Variants in CYP27B1 observed in about 807,000 individuals in gnomAD.
The protein encoded by CYP27B1 is cytochrome P450 family 27 subfamily B member 1.
In CYP27B1, 46 loss-of-function variants were observed where a neutral mutation model predicts 54.8. The observed-to-expected ratio is 0.84, with a 90% CI of 0.66 to 1.07. The LOEUF (loss-of-function observed/expected upper bound fraction) is 1.07, where lower values mean the gene tolerates loss of function less well. Among genes scored for constraint, CYP27B1 ranks in the 50% least tolerant of loss-of-function variants. CYP27B1 has a pLI of 0.00. For missense variants in CYP27B1, 674 were observed against 692.2 expected (o/e 0.97, Z 0.30); for synonymous variants, 292 against 297.3 (o/e 0.98, Z 0.18).
chr12:57,763,553 A>G (rs1236428660), intron 8 of CYP27B1, 58 bp downstream of exon 8: 2 of 1,473,386 alleles, frequency 1.4e-6, no homozygotes, highest in African/African-American at 2.8e-5. Context: ...AGAGCTCACA[A>G]CTTTAGAGGG....
chr12:57,766,174 C>T lies in CYP27B1; in HGVS notation c.219G>A (p.Gly73=). Residue 73 remains glycine, a synonymous_variant, in exon 2 of 9, where the codon GGG becomes GGA. Coordinates refer to ENST00000228606, the MANE Select transcript of CYP27B1 (RefSeq NM_000785.4). ...TCCCAAAGCTGGCTAGCCACACCGG[C>T]CCGAAGTGCGCGGCGCCCTGCACCT... ...ELQVQGAAHF[G]PVWLASFGTV... 7 of 1,544,026 alleles carry T rather than the reference C, an allele frequency of 4.5e-6. No homozygotes were observed. Among genetic ancestry groups the T allele is most frequent in the South Asian group, 1.2e-5 (1 of 84,106 alleles).
Position 57,766,207 on chromosome 12 carries a change from C to G in CYP27B1, c.196-10G>C, listed in dbSNP as rs751574733. ...GCGCGGCGCCCTGCACCTGGGGGAG[C>G]GGACACAGCGGACACTTGGATACCT... On this transcript the variant is annotated splice_polypyrimidine_tract_variant and intron_variant, in intron 1 of 8. Transcript: ENST00000228606. The G allele has an allele frequency of 2.6e-6, 4 of 1,524,220 alleles. No individual in the cohort carries two copies. The East Asian group carries it at 7.5e-5, about 29-fold the overall frequency. 94.4% of individuals were successfully genotyped at this position (1,524,220 alleles called of 1,614,324 possible).
Position 57,766,068 on chromosome 12 carries a change from T to A in CYP27B1, c.325A>T (p.Ser109Cys). 1 of 1,557,708 alleles carries A rather than the reference T, an allele frequency of 6.4e-7. No individual in the cohort carries two copies. ...CGGTGCTCCGTCCAGGGCGAGAAGCTGCAGCGCTCGGGCCGGGGTCCCTCC... is the reference window on the plus strand; with the variant it reads ...CGGTGCTCCGTCCAGGGCGAGAAGCAGCAGCGCTCGGGCCGGGGTCCCTCC... ...RQEGPRPERC[S>C]FSPWTEHRRC... Residue 109 changes from serine (S) to cysteine (C), a missense_variant, in exon 2 of 9, where the codon AGC (serine) becomes TGC (cysteine). Physicochemically the swap from Ser to Cys is moderately radical, Grantham distance 112 (BLOSUM62 -1). Coordinates refer to ENST00000228606, the MANE Select transcript of CYP27B1 (RefSeq NM_000785.4).
rs767085633 is a variant in CYP27B1, at chr12:57,764,561, T to C, written c.964-11A>G. On this transcript the variant is annotated splice_polypyrimidine_tract_variant and intron_variant, in intron 5 of 8. Transcript: ENST00000228606. The stretch of plus-strand genomic sequence containing the variant: ...GAGCGTGTTGGACACCTGAAAAACA[T>C]GTGAAAGCAAGAGAGGTGTTGGGTG... The C allele has an allele frequency of 7.4e-6, 12 of 1,613,660 alleles. No homozygotes were observed. In the South Asian group the frequency reaches 1.2e-4, roughly 16 times the overall value.
chr12:57,765,591 C>T lies in CYP27B1; in HGVS notation c.387-92G>A, dbSNP rs1328795169. 4 of 1,344,614 alleles carry T rather than the reference C, an allele frequency of 3.0e-6. No individual in the cohort carries two copies. The African/African-American group carries it at 5.8e-5, about 19-fold the overall frequency. The allele number at this position is 1,344,614 out of a possible 1,614,324, so 83.3% of individuals were successfully genotyped here. On this transcript the variant is annotated intron_variant, in intron 2 of 8. Coordinates refer to ENST00000228606, the MANE Select transcript of CYP27B1 (RefSeq NM_000785.4). The surrounding 1 kb of genome is among the most constrained non-coding windows in gnomAD (Gnocchi z 5.8). ...AAGGAGCGCGTTCGGCTGCGGTGGC[C>T]AGGAGAGGGATTGCGTCTGCCCCCT...
chr12:57,765,134 G>A lies in CYP27B1; in HGVS notation c.667C>T (p.Arg223Cys), dbSNP rs149518825. ...QVPPDTETFI[R>C]AVGSVFVSTL... is the part of the protein sequence containing the mutation. ...GACACAAACACCGAGCCCACAGCGCGGATGAAGGTCTCCGTGTCGGGTGGC... is the reference window on the plus strand; with the variant it reads ...GACACAAACACCGAGCCCACAGCGCAGATGAAGGTCTCCGTGTCGGGTGGC... The change falls in exon 4 of 9, where the codon CGC becomes TGC. Residue 223 changes from arginine (R) to cysteine (C), a missense_variant. Arg to Cys is a radical substitution (Grantham distance 180). Transcript: ENST00000228606. The surrounding 1 kb of genome is among the most constrained non-coding windows in gnomAD (Gnocchi z 5.8). 3.7e-6 allele frequency: 6 copies of A among 1,613,830 alleles called. No individual in the cohort carries two copies. In the South Asian group the frequency reaches 4.4e-5, roughly 12 times the overall value.
At chr12:57,766,265 G>T in intron 1 of CYP27B1, 68 bp from the exon 2 acceptor site, 1 of 1,456,448 alleles carries the variant, frequency 6.9e-7, no homozygotes, top group East Asian at 2.6e-5. Flanking sequence ...CTGTGCCCAC[G>T]CCAAGGGCGT....
chr12:57,763,586 A>C, intron 8 of CYP27B1, 25 bp downstream of exon 8: 1 of 1,603,656 alleles, frequency 6.2e-7, no homozygotes, highest in Non-Finnish European at 8.5e-7. Flanking sequence ...CAGTCTGGGG[A>C]AGGTATAAAA....
chr12:57,763,914 G>T, intron 7 of CYP27B1, 106 bp from the exon 8 acceptor site: 1 of 1,228,328 alleles, frequency 8.1e-7, no homozygotes, highest in Non-Finnish European at 1.2e-6. Context: ...GGGTGATGGG[G>T]AAGTTTTCTG....
chr12:57,766,972 AGGCGCCCAACTCG>A lies in CYP27B1; in HGVS notation c.57_69del (p.Glu20ProfsTer2). The stretch of plus-strand genomic sequence containing the variant: ...GAGTGGTACTCTCGGTAGCCTAGGG[AGGCGCCCAACTCG>A]GGCGCCCAGCGGACGCGATGGAACA... On this transcript the variant is annotated frameshift_variant, in exon 1 of 9. Transcript: ENST00000228606. LOFTEE classifies it high-confidence loss of function. 6.2e-7 allele frequency: 1 copy of A among 1,614,112 alleles called. No homozygotes were observed.
Position 57,766,199 on chromosome 12 carries a change from T to A in CYP27B1, c.196-2A>T. The A allele has an allele frequency of 6.5e-7, 1 of 1,533,862 alleles. No individual in the cohort carries two copies. On this transcript the variant is annotated splice_acceptor_variant, in intron 1 of 8. Coordinates refer to ENST00000228606, the MANE Select transcript of CYP27B1 (RefSeq NM_000785.4). LOFTEE classifies it high-confidence loss of function. Reference sequence around the variant, plus strand: ...CCCGAAGTGCGCGGCGCCCTGCACCTGGGGGAGCGGACACAGCGGACACTT... The same window carrying A: ...CCCGAAGTGCGCGGCGCCCTGCACCAGGGGGAGCGGACACAGCGGACACTT...
Position 57,767,038 on chromosome 12 carries a change from T to C in CYP27B1, c.4A>G (p.Thr2Ala). 1.2e-6 allele frequency: 2 copies of C among 1,614,094 alleles called. No individual in the cohort carries two copies. Among genetic ancestry groups the C allele is most frequent in the South Asian group, 2.2e-5 (2 of 91,084 alleles). Residue 2 changes from threonine (T) to alanine (A), a missense_variant, in exon 1 of 9, where the codon ACC becomes GCC. Transcript: ENST00000228606. ...CTGGAGGCGTACTTGAGGGTCTGGG[T>C]CATGGTCTGGTTCAGGGTGCTCGCG... MTQTLKYASRVF... is the reference protein window; with the variant it reads MAQTLKYASRVF...
chr12:57,765,933 T>C lies in CYP27B1; in HGVS notation c.386+74A>G, dbSNP rs1029874907. The C allele has an allele frequency of 2.7e-6, 4 of 1,467,936 alleles. No homozygotes were observed. The African/African-American group carries it at 5.7e-5, about 21-fold the overall frequency. The allele number at this position is 1,467,936 out of a possible 1,614,324, so 90.9% of individuals were successfully genotyped here. Reference sequence around the variant, plus strand: ...CCGACCTCCCACCATGCCCCCAGATTGATAGTTTCGGGACCCGCAGCAGGA... The same window carrying C: ...CCGACCTCCCACCATGCCCCCAGATCGATAGTTTCGGGACCCGCAGCAGGA... On this transcript the variant is annotated intron_variant, in intron 2 of 8. Transcript: ENST00000228606. This position sits in a 1 kb window ranked among gnomAD's most constrained non-coding sequence, Gnocchi z 5.8.
Position 57,762,780 on chromosome 12 carries a change from A to G in CYP27B1, c.*362T>C, listed in dbSNP as rs1431613676. 2.9e-6 allele frequency: 1 copy of G among 346,756 alleles called. No individual in the cohort carries two copies. The highest frequency in any genetic ancestry group is 5.7e-6 in the Non-Finnish European group (1 of 176,494). 21.5% of individuals were successfully genotyped at this position (346,756 alleles called of 1,614,324 possible). A position where few individuals can be genotyped will look rare whatever the true frequency, so the allele number is the denominator to read the frequency against. On this transcript the variant is annotated 3_prime_UTR_variant, in exon 9 of 9. Transcript: ENST00000228606. ...GCACAGTTACTGAGCTTATGCTTTG[A>G]TAAATGCTTAGCCAGCAGCATCAAT...
rs542717895 is a variant in CYP27B1, at chr12:57,762,938, T to C, written c.*204A>G. 24 of 581,426 alleles carry C rather than the reference T, an allele frequency of 4.1e-5. No individual in the cohort carries two copies. The highest frequency in any genetic ancestry group is 2.8e-4 in the African/African-American group (15 of 54,396). 36.0% of individuals were successfully genotyped at this position (581,426 alleles called of 1,614,324 possible). A position where few individuals can be genotyped will look rare whatever the true frequency, so the allele number is the denominator to read the frequency against. The stretch of plus-strand genomic sequence containing the variant: ...AAGGGCCAAGCAAGCAGAGAGACCA[T>C]GGTTTTCTCACCTGGCTTCCTGAGT... On this transcript the variant is annotated 3_prime_UTR_variant, in exon 9 of 9. Transcript: ENST00000228606.
chr12:57,766,003 T>C lies in CYP27B1; in HGVS notation c.386+4A>G. ...CTGGGCTTCTGGGGGCAGAGAAGAC[T>C]CACGCAGTGAGCAGTCCGCAAGCCC... On this transcript the variant is annotated splice_donor_region_variant and intron_variant, in intron 2 of 8. Transcript: ENST00000228606. The C allele has an allele frequency of 1.3e-6, 2 of 1,563,078 alleles. No homozygotes were observed. The highest frequency in any genetic ancestry group is 1.2e-5 in the South Asian group (1 of 85,678).
At position 57,765,668 on chromosome 12, in the gene CYP27B1, C is replaced by T. The variant is rs1324498647; in HGVS notation, c.387-169G>A. 2.2e-6 allele frequency: 2 copies of T among 905,876 alleles called. No homozygotes were observed. Among genetic ancestry groups the T allele is most frequent in the Admixed American group, 4.0e-5 (2 of 50,042 alleles). The allele number at this position is 905,876 out of a possible 1,614,324, so 56.1% of individuals were successfully genotyped here. ...GCGCCTGTCTTCCAGCCCCCTTCCTCTTTACTCATTTCCTGCCCTCAGGGG... is the reference window on the plus strand; with the variant it reads ...GCGCCTGTCTTCCAGCCCCCTTCCTTTTTACTCATTTCCTGCCCTCAGGGG... On this transcript the variant is annotated intron_variant, in intron 2 of 8. Transcript: ENST00000228606. This position sits in a 1 kb window ranked among gnomAD's most constrained non-coding sequence, Gnocchi z 5.8.
At chr12:57,764,033 A>G in intron 7 of CYP27B1, 65 bp downstream of exon 7, 1 of 1,376,972 alleles carries the variant, frequency 7.3e-7, no homozygotes, top group South Asian at 1.2e-5. Context: ...AGTGTTTGAG[A>G]ACAGGGTTGG....
Position 57,766,982 on chromosome 12 carries a change from C to A in CYP27B1, c.60G>T (p.Glu20Asp), listed in dbSNP as rs771838478. Residue 20 changes from glutamate (E) to aspartate (D), a missense_variant, in exon 1 of 9, where the codon GAG (glutamate) becomes GAT (aspartate). By Grantham distance (45) the Glu-to-Asp change is conservative. Transcript: ENST00000228606. ...RVFHRVRWAP[E>D]LGASLGYREY... ...CTCGGTAGCCTAGGGAGGCGCCCAA[C>A]TCGGGCGCCCAGCGGACGCGATGGA... 1.2e-6 allele frequency: 2 copies of A among 1,614,052 alleles called. No homozygotes were observed. Among genetic ancestry groups the A allele is most frequent in the Admixed American group, 1.7e-5 (1 of 60,014 alleles).
Sources: allele counts gnomAD v4.1 joint callset, GRCh38; gene constraint gnomAD v4.1.1; non-coding constraint Gnocchi (gnomAD v3.1); transcripts MANE v1.5; gene names NCBI Gene and HGNC (gene_info 2026-07-23, HGNC 2026-07-21).